DPP6: variants seen among roughly 807,000 people sequenced by gnomAD.
The protein encoded by DPP6 is dipeptidyl peptidase like 6.
DPP6 carries 69 observed loss-of-function variants against 122.6 expected under a neutral mutation model. That is an observed-to-expected ratio of 0.56 (90% CI 0.46 to 0.69). The LOEUF (loss-of-function observed/expected upper bound fraction) is 0.69, where lower values mean the gene tolerates loss of function less well. Ranked by LOEUF, DPP6 falls within the 30% of genes least tolerant of loss-of-function variation. The pLI is 0.00. For missense variants in DPP6, 928 were observed against 1,116.9 expected, an observed-to-expected ratio of 0.83 and a Z score of 2.41; for synonymous variants, 418 against 433.1, an observed-to-expected ratio of 0.97 and a Z score of 0.43.
At chr7:154,339,425 A>G (rs34269429) in intron 1 of DPP6, among the ~76,000 whole-genome samples, 12,258 of 152,218 alleles carry the variant, frequency 0.081, 656 homozygotes, top group African/African-American at 0.14. Flanking sequence ...CGGTCCTCTC[A>G]GCGGAGCTGG....
chr7:154,455,154 T>G (rs1439837012), intron 2 of DPP6, among the ~76,000 whole-genome samples: 1 of 152,194 alleles, frequency 6.6e-6, no homozygotes, highest in African/African-American at 2.4e-5. Flanking sequence ...GATGGACACA[T>G]AGAACTTAGC....
At chr7:153,922,980 C>G (rs1482325169) in intron 1 of DPP6, among the ~76,000 whole-genome samples, 1 of 152,230 alleles carries the variant, frequency 6.6e-6, no homozygotes, top group Admixed American at 6.5e-5. Flanking sequence ...ACTCTTTGAT[C>G]ATTTTTAATA....
At chr7:154,670,326 G>A (rs1838478901) in intron 7 of DPP6, among the ~76,000 whole-genome samples, 1 of 152,166 alleles carries the variant, frequency 6.6e-6, no homozygotes, top group Admixed American at 6.5e-5. Context: ...TCTGTGAATG[G>A]GAAGGACAGT....
intron 7 of DPP6, among the ~76,000 whole-genome samples, chr7:154,715,433 C>T (rs1841428698): frequency 6.6e-6 from 1 of 152,206 alleles, no homozygotes; most frequent in African/African-American, 2.4e-5. Flanking sequence ...ACTTTAATTT[C>T]AATATACTTT....
chr7:154,376,378 A>G (rs1813133055), intron 1 of DPP6, among the ~76,000 whole-genome samples: 1 of 152,232 alleles, frequency 6.6e-6, no homozygotes, highest in Admixed American at 6.5e-5. Context: ...TCAGACTCCC[A>G]GTAAGTGCCA....
intron 20 of DPP6, among the ~76,000 whole-genome samples, chr7:154,880,052 C>A (rs1319374946): frequency 6.6e-6 from 1 of 152,226 alleles, no homozygotes; most frequent in Non-Finnish European, 1.5e-5. Flanking sequence ...TAGAAAATGT[C>A]TAAAAATATC....
intron 6 of DPP6, among the ~76,000 whole-genome samples, chr7:154,667,500 G>A (rs912877458): frequency 2.0e-5 from 3 of 152,214 alleles, no homozygotes; most frequent in Non-Finnish European, 4.4e-5. Flanking sequence ...GGCCGAGGCA[G>A]ACGGATTCCC....
intron 1 of DPP6, among the ~76,000 whole-genome samples, chr7:153,929,878 T>C (rs752556622): frequency 3.3e-5 from 5 of 152,220 alleles, no homozygotes; most frequent in Admixed American, 2.0e-4. Context: ...TCCATAATTC[T>C]AAGTCAAAGA....
At chr7:154,684,624 T>C (rs1234894489) in intron 7 of DPP6, among the ~76,000 whole-genome samples, 1 of 152,236 alleles carries the variant, frequency 6.6e-6, no homozygotes, top group Non-Finnish European at 1.5e-5. Context: ...AATTTTAGCC[T>C]TTTCAGCCAC....
chr7:154,090,227 C>A (rs967841971), intron 1 of DPP6, among the ~76,000 whole-genome samples: 5 of 152,048 alleles, frequency 3.3e-5, no homozygotes, highest in African/African-American at 1.2e-4. Flanking sequence ...TTCGAGGACC[C>A]TCACTGCTGG....
intron 4 of DPP6, among the ~76,000 whole-genome samples, chr7:154,564,566 C>T (rs564289719): frequency 1.3e-4 from 20 of 152,248 alleles, no homozygotes; most frequent in Non-Finnish European, 4.4e-5. Context: ...GTAAACTGTT[C>T]ACTTCACCCG....
Position 154,560,729 on chromosome 7 carries a change from A to G in DPP6, c.553-6113A>G, listed in dbSNP as rs117693223. On this transcript the variant is annotated intron_variant, in intron 4 of 25. Transcript: ENST00000377770. ...GAAACCACATCTCTGCTAAAAATAT[A>G]AAAGTTAACCAGGTATGATGGTGGG... Among the ~76,000 whole-genome samples, 98 of 152,230 alleles carry G rather than the reference A, an allele frequency of 6.4e-4. 1 individual carries two copies. In the East Asian group the frequency reaches 0.018, roughly 28 times the overall value.
intron 1 of DPP6, among the ~76,000 whole-genome samples, chr7:154,196,226 A>G (rs989797661): frequency 2.0e-5 from 3 of 152,220 alleles, no homozygotes; most frequent in African/African-American, 7.2e-5. Flanking sequence ...ACGGTGGCTC[A>G]TGCCTGTAAT....
the DPP6 span, among the ~76,000 whole-genome samples, chr7:153,756,009 T>C: frequency 6.6e-6 from 1 of 152,162 alleles, no homozygotes; most frequent in Non-Finnish European, 1.5e-5. Flanking sequence ...CACACTTGGC[T>C]TCAGAACCAC....
chr7:154,153,173 A>G (rs1002826892), intron 1 of DPP6, among the ~76,000 whole-genome samples: 13 of 152,334 alleles, frequency 8.5e-5, no homozygotes, highest in African/African-American at 3.1e-4. Flanking sequence ...CGCTTATACA[A>G]GAGGGGAGTT....
At position 154,338,982 on chromosome 7, in the gene DPP6, G is replaced by T. The variant is rs1421656984; in HGVS notation, c.244-107232G>T. On this transcript the variant is annotated intron_variant, in intron 1 of 25. Coordinates refer to ENST00000377770, the MANE Select transcript of DPP6 (RefSeq NM_130797.4). ...GCGGGTGCCAATCTGTCTCCCCGAG[G>T]TTATTCAGCATCTAACGTTGCTATT... Among the ~76,000 whole-genome samples, 3 of 152,176 alleles carry T rather than the reference G, an allele frequency of 2.0e-5. No homozygotes were observed. In the East Asian group the frequency reaches 5.8e-4, roughly 29 times the overall value.
intron 1 of DPP6, among the ~76,000 whole-genome samples, chr7:154,375,147 C>T (rs558766792): frequency 4.6e-5 from 7 of 152,080 alleles, no homozygotes; most frequent in Admixed American, 1.3e-4. Flanking sequence ...TGTGGAGGGT[C>T]AAGAAACGCT....
chr7:154,121,607 T>C (rs986243632), intron 1 of DPP6, among the ~76,000 whole-genome samples: 1 of 152,258 alleles, frequency 6.6e-6, no homozygotes, highest in African/African-American at 2.4e-5. Flanking sequence ...TACTGATTTC[T>C]AAATTCATTC....
chr7:154,048,693 G>T (rs1242287504), upstream of DPP6, among the ~76,000 whole-genome samples: 2 of 93,458 alleles, frequency 2.1e-5, 1 homozygote, highest in African/African-American at 7.8e-5. Flanking sequence ...AGAAAAAACA[G>T]TCTTAAATAT....
Sources: allele counts gnomAD v4.1 joint callset (sites outside exome capture counted in the v4.1 genomes callset), GRCh38; gene constraint gnomAD v4.1.1; transcripts MANE v1.5; gene names NCBI Gene and HGNC (gene_info 2026-07-23, HGNC 2026-07-21).